NOC3L: variants seen among roughly 807,000 people sequenced by gnomAD.
The protein encoded by NOC3L is nucleolar complex protein 3 homolog.
NOC3L carries 85 observed loss-of-function variants against 102.5 expected under a neutral mutation model. That is an observed-to-expected ratio of 0.83 (90% CI 0.70 to 0.99). The LOEUF (loss-of-function observed/expected upper bound fraction) is 0.99, where lower values mean the gene tolerates loss of function less well. Ranked by LOEUF, NOC3L falls within the 50% of genes least tolerant of loss-of-function variation. The pLI, the probability that NOC3L is intolerant of heterozygous loss-of-function variation, is 0.00. For synonymous variants in NOC3L, 303 were observed against 309.4 expected (o/e 0.98, Z 0.22); for missense variants, 878 against 914.9 (o/e 0.96, Z 0.52).
rs144365022 is a variant in NOC3L, at chr10:94,337,797, G to A, written c.2169C>T (p.Leu723=). 1 of 1,613,240 alleles carries A rather than the reference G, an allele frequency of 6.2e-7. No individual in the cohort carries two copies. The highest frequency in any genetic ancestry group is 1.1e-5 in the South Asian group (1 of 91,016). Reference sequence around the variant, plus strand: ...ATTACCTTCGACTCAACTCTGGTTTGAGTGCTCCAGAGCCTTCAGAAGGTG... The same window carrying A: ...ATTACCTTCGACTCAACTCTGGTTTAAGTGCTCCAGAGCCTTCAGAAGGTG... ...AGAPSEGSGA[L]KPELSRRSAT... Residue 723 remains leucine (L), a synonymous_variant, in exon 19 of 21, where the codon CTC becomes CTT. Transcript: ENST00000371361.
intron 3 of NOC3L, chr10:94,357,851 TC>T: frequency 2.1e-6 from 1 of 484,596 alleles, no homozygotes; most frequent in East Asian, 3.8e-5. Flanking sequence ...ACAGCATTCT[TC>T]CCCCATTCAC....
At chr10:94,341,414 T>C (rs2054282525) in intron 14 of NOC3L, among the ~76,000 whole-genome samples, 1 of 150,582 alleles carries the variant, frequency 6.6e-6, no homozygotes, top group Non-Finnish European at 1.5e-5. Context: ...ACCATGTACA[T>C]CTATTATGCA....
the NOC3L span, chr10:94,325,252 G>T: frequency 1.5e-6 from 1 of 649,580 alleles, no homozygotes; most frequent in Non-Finnish European, 2.8e-6. Context: ...AACAGGAAAA[G>T]GGCTCTGAAG....
intron 16 of NOC3L, 107 bp downstream of exon 16, chr10:94,340,169 C>T (rs1389142875): frequency 4.1e-6 from 4 of 970,212 alleles, no homozygotes; most frequent in Non-Finnish European, 6.1e-6. Flanking sequence ...TGGAAAGTCA[C>T]CATTTTATGT....
chr10:94,335,449 A>G (rs977130669), intron 19 of NOC3L, among the ~76,000 whole-genome samples: 1 of 152,184 alleles, frequency 6.6e-6, no homozygotes, highest in Non-Finnish European at 1.5e-5. Context: ...CCTTTTAAAA[A>G]AAAAGGCTGG....
intron 4 of NOC3L, 57 bp from the exon 5 acceptor site, chr10:94,356,648 T>C (rs2054489061): frequency 2.9e-6 from 3 of 1,039,184 alleles, no homozygotes; most frequent in Non-Finnish European, 4.5e-6. Context: ...GTAAAAACTG[T>C]AAAGAAATGC....
chr10:94,354,172 T>C (rs1482466757), intron 6 of NOC3L, among the ~76,000 whole-genome samples: 1 of 152,228 alleles, frequency 6.6e-6, no homozygotes, highest in East Asian at 1.9e-4. Flanking sequence ...GGACAAGTAC[T>C]ACTCCAAAGC....
At chr10:94,335,975 T>C (rs1564907926) in intron 19 of NOC3L, among the ~76,000 whole-genome samples, 1 of 152,078 alleles carries the variant, frequency 6.6e-6, no homozygotes, top group Non-Finnish European at 1.5e-5. Context: ...CTTTAAAAGG[T>C]GATTAAGCCA....
chr10:94,357,307 C>T lies in NOC3L; in HGVS notation c.375G>A (p.Arg125=), dbSNP rs1390479535. Reference sequence around the variant, plus strand: ...ATTTATCTATAATGCGTTCATGCTTCCGTTTCTTCGCATGAACAGGCTCAC... The same window carrying T: ...ATTTATCTATAATGCGTTCATGCTTTCGTTTCTTCGCATGAACAGGCTCAC... ...SSSEPVHAKK[R]KHERIIDKYE... Residue 125 remains arginine, a synonymous_variant, in exon 4 of 21, where the codon CGG becomes CGA. Coordinates refer to ENST00000371361, the MANE Select transcript of NOC3L (RefSeq NM_022451.11). 1 of 1,598,234 alleles carries T rather than the reference C, an allele frequency of 6.3e-7. No individual in the cohort carries two copies. Among genetic ancestry groups the T allele is most frequent in the Admixed American group, 1.7e-5 (1 of 57,978 alleles).
chr10:94,338,483 TA>T (rs1239771345), intron 18 of NOC3L, 124 bp downstream of exon 18: 10 of 1,102,454 alleles, frequency 9.1e-6, no homozygotes, highest in South Asian at 3.0e-5. Flanking sequence ...ACAGGAATTC[TA>T]AAAAAGGCAG....
chr10:94,319,864 C>CTTTTTTTTTTTTTTTTT, the NOC3L span, among the ~76,000 whole-genome samples: 158 of 92,920 alleles, frequency 1.7e-3, 7 homozygotes, highest in Middle Eastern at 7.7e-3. Context: ...CAAAGGTGCT[C>CTTTTTTTTTTTTTTTTT]TTTTTTTTTT....
At chr10:94,316,355 C>T in the NOC3L span, among the ~76,000 whole-genome samples, 1 of 152,066 alleles carries the variant, frequency 6.6e-6, no homozygotes, top group African/African-American at 2.4e-5. Context: ...TAAGTTGTGC[C>T]GTTGCCCGGA....
intron 19 of NOC3L, among the ~76,000 whole-genome samples, chr10:94,336,224 TC>T (rs1025502579): frequency 6.6e-6 from 1 of 152,046 alleles, no homozygotes; most frequent in Admixed American, 6.6e-5. Context: ...ATGGGGTTCC[TC>T]CCCTCCAGAA....
chr10:94,346,946 G>T (rs914734129), intron 10 of NOC3L, among the ~76,000 whole-genome samples: 3 of 152,170 alleles, frequency 2.0e-5, no homozygotes, highest in Non-Finnish European at 2.9e-5. Flanking sequence ...GATTTAGTAG[G>T]TCTGAGTTGA....
At chr10:94,357,869 T>G in intron 3 of NOC3L, 1 of 525,492 alleles carries the variant, frequency 1.9e-6, no homozygotes, top group South Asian at 2.3e-5. Context: ...TCACTCTACT[T>G]GACTATTCAG....
At chr10:94,328,033 G>GACTT in the NOC3L span, 20 of 520,944 alleles carry the variant, frequency 3.8e-5, no homozygotes, top group African/African-American at 2.1e-4. Context: ...ATTTTCATCA[G>GACTT]ACTTAAACTG....
the NOC3L span, among the ~76,000 whole-genome samples, chr10:94,326,948 C>CA: frequency 2.0e-5 from 3 of 151,224 alleles, no homozygotes; most frequent in Non-Finnish European, 4.4e-5. Context: ...ATCACGAGGT[C>CA]AAGAGATTGA....
At chr10:94,345,356 A>G (rs1050368776) in intron 11 of NOC3L, among the ~76,000 whole-genome samples, 1 of 152,168 alleles carries the variant, frequency 6.6e-6, no homozygotes, top group African/African-American at 2.4e-5. Context: ...TAAATCATCT[A>G]TAACTTGGAA....
chr10:94,335,087 G>C (rs1477122611), intron 19 of NOC3L, among the ~76,000 whole-genome samples: 1 of 152,210 alleles, frequency 6.6e-6, no homozygotes, highest in Non-Finnish European at 1.5e-5. Context: ...CACAGACTTA[G>C]AACACAGCTC....
Sources: allele counts gnomAD v4.1 joint callset (sites outside exome capture counted in the v4.1 genomes callset), GRCh38; gene constraint gnomAD v4.1.1; transcripts MANE v1.5; gene names NCBI Gene and HGNC (gene_info 2026-07-23, HGNC 2026-07-21).